Variants in TRPC7 observed in about 807,000 individuals in gnomAD.
The protein encoded by TRPC7 is transient receptor potential cation channel subfamily C member 7, also known as short transient receptor potential channel 7.
Under a neutral mutation model 90.1 loss-of-function variants are expected in TRPC7, and 42 were observed. The observed-to-expected ratio is 0.47, with a 90% CI of 0.36 to 0.60. The LOEUF is 0.60. Ranked by LOEUF, TRPC7 falls within the 20% of genes least tolerant of loss-of-function variation. The pLI is 0.00. For missense variants in TRPC7, 955 were observed against 1,112.3 expected (o/e 0.86, Z 2.01); for synonymous variants, 451 against 436.3 (o/e 1.03, Z -0.42).
intron 2 of TRPC7, among the ~76,000 whole-genome samples, chr5:136,326,567 GAGA>G (rs1198512912): frequency 6.6e-6 from 1 of 152,248 alleles, no homozygotes; most frequent in African/African-American, 2.4e-5. Flanking sequence ...TAGCTTTTAG[GAGA>G]AGATGAGAAG....
chr5:136,339,852 C>CAAA (rs147762581), intron 2 of TRPC7, among the ~76,000 whole-genome samples: 50,399 of 151,772 alleles, frequency 0.33, 9,301 homozygotes, highest in Admixed American at 0.46. Flanking sequence ...ACAACAACAA[C>CAAA]AACAACAACA....
Position 136,227,442 on chromosome 5 carries a change from A to T in TRPC7, c.2041-1187T>A, listed in dbSNP as rs1195886502. On this transcript the variant is annotated intron_variant, in intron 8 of 11. Transcript: ENST00000513104. ...TGGGTTCCTCTTTCCACAGGCAGTG[A>T]CTACACTCTGAGGGGCTGTGAACCC... Among the ~76,000 whole-genome samples the T allele has an allele frequency of 3.3e-5, 5 of 152,158 alleles. No homozygotes were observed. The East Asian group carries it at 9.6e-4, about 29-fold the overall frequency.
chr5:136,362,490 T>C (rs975033552), intron 1 of TRPC7, among the ~76,000 whole-genome samples: 6 of 152,150 alleles, frequency 3.9e-5, no homozygotes, highest in Admixed American at 6.5e-5. Flanking sequence ...GCAAAAATGA[T>C]TAGAAATGTA....
At chr5:136,277,589 A>T (rs1757407129) in intron 3 of TRPC7, among the ~76,000 whole-genome samples, 1 of 152,220 alleles carries the variant, frequency 6.6e-6, no homozygotes, top group Admixed American at 6.5e-5. Flanking sequence ...CACCAACAGG[A>T]CACAAAGAAA....
At chr5:136,321,074 C>T (rs1759182535) in intron 2 of TRPC7, among the ~76,000 whole-genome samples, 2 of 152,108 alleles carry the variant, frequency 1.3e-5, no homozygotes, top group South Asian at 4.1e-4. Flanking sequence ...CAGTAAGTTA[C>T]TTGTTTAATT....
chr5:136,293,169 C>T (rs1302583276), intron 3 of TRPC7, among the ~76,000 whole-genome samples: 1 of 152,046 alleles, frequency 6.6e-6, no homozygotes, highest in African/African-American at 2.4e-5. Context: ...TATGACAAAC[C>T]CACAGCCAAT....
At chr5:136,301,943 C>A (rs1425919633) in intron 3 of TRPC7, among the ~76,000 whole-genome samples, 1 of 152,238 alleles carries the variant, frequency 6.6e-6, no homozygotes, top group Non-Finnish European at 1.5e-5. Flanking sequence ...GGTCCTCACA[C>A]CGACCAGCCC....
rs1470947667 is a variant in TRPC7, at chr5:136,236,915, G to A, written c.1845-5366C>T. On this transcript the variant is annotated intron_variant, in intron 7 of 11. Transcript: ENST00000513104. Reference sequence around the variant, plus strand: ...TATAGCAGGCTAAAATTAAGCAGGAGGATCAGCCTTTAATTGAAAAAGGCT... The same window carrying A: ...TATAGCAGGCTAAAATTAAGCAGGAAGATCAGCCTTTAATTGAAAAAGGCT... 3.3e-5 allele frequency among the ~76,000 whole-genome samples: 5 copies of A among 152,188 alleles called. No individual in the cohort carries two copies. In the East Asian group the frequency reaches 9.6e-4, roughly 29 times the overall value.
chr5:136,260,067 T>C (rs1756806566), intron 5 of TRPC7, among the ~76,000 whole-genome samples: 1 of 152,174 alleles, frequency 6.6e-6, no homozygotes, highest in South Asian at 2.1e-4. Flanking sequence ...CCTATAGAAC[T>C]GTAAATCAAA....
At chr5:136,258,355 C>T (rs934299185) in intron 5 of TRPC7, among the ~76,000 whole-genome samples, 5 of 152,162 alleles carry the variant, frequency 3.3e-5, no homozygotes, top group African/African-American at 7.2e-5. Flanking sequence ...GGCCCCCTGC[C>T]GCCACAGTGC....
intron 2 of TRPC7, among the ~76,000 whole-genome samples, chr5:136,340,029 A>C (rs971454568): frequency 2.6e-5 from 4 of 152,214 alleles, no homozygotes; most frequent in African/African-American, 9.6e-5. Context: ...TCCCATGTTA[A>C]TTGCAGTATT....
intron 3 of TRPC7, among the ~76,000 whole-genome samples, chr5:136,292,236 G>A (rs985779577): frequency 1.1e-4 from 16 of 152,250 alleles, no homozygotes; most frequent in African/African-American, 3.4e-4. Flanking sequence ...AAAAGAACTA[G>A]AGAAGCAAGA....
Position 136,343,373 on chromosome 5 carries a change from C to A in TRPC7, c.780+13235G>T, listed in dbSNP as rs532615503. On this transcript the variant is annotated intron_variant, in intron 2 of 11. Coordinates refer to ENST00000513104, the MANE Select transcript of TRPC7 (RefSeq NM_020389.3). Reference sequence around the variant, plus strand: ...GTAGTAAGAAGGTCACTCTGACCTTCCCCAGCCTTTGTGAGAGATGTCCTT... The same window carrying A: ...GTAGTAAGAAGGTCACTCTGACCTTACCCAGCCTTTGTGAGAGATGTCCTT... 3.3e-5 allele frequency among the ~76,000 whole-genome samples: 5 copies of A among 152,280 alleles called. No individual in the cohort carries two copies. In the East Asian group the frequency reaches 9.7e-4, roughly 29 times the overall value.
At chr5:136,271,188 A>G (rs1000933009) in intron 4 of TRPC7, among the ~76,000 whole-genome samples, 3 of 152,338 alleles carry the variant, frequency 2.0e-5, no homozygotes, top group Admixed American at 6.5e-5. Flanking sequence ...GGGTTATGGC[A>G]GTAAGGACTG....
At chr5:136,233,184 C>T (rs1456493443) in intron 7 of TRPC7, among the ~76,000 whole-genome samples, 1 of 152,138 alleles carries the variant, frequency 6.6e-6, no homozygotes, top group East Asian at 1.9e-4. Flanking sequence ...AAGTGGGATT[C>T]TATTGTCAGT....
intron 2 of TRPC7, among the ~76,000 whole-genome samples, chr5:136,317,540 G>A (rs1759059795): frequency 6.6e-6 from 1 of 152,154 alleles, no homozygotes; most frequent in Admixed American, 6.5e-5. Context: ...ACTGGGCTCA[G>A]CAACATGGAC....
intron 10 of TRPC7, among the ~76,000 whole-genome samples, chr5:136,218,493 T>C (rs1755347920): frequency 1.3e-5 from 2 of 152,202 alleles, no homozygotes; most frequent in Admixed American, 1.3e-4. Context: ...AGTTTCTGGA[T>C]CCAACAATTA....
intron 3 of TRPC7, among the ~76,000 whole-genome samples, chr5:136,287,143 C>T (rs910224493): frequency 6.6e-6 from 1 of 152,134 alleles, no homozygotes; most frequent in Non-Finnish European, 1.5e-5. Flanking sequence ...GAATAACCTT[C>T]CTGGGAGATG....
chr5:136,300,337 T>C (rs924913860), intron 3 of TRPC7, among the ~76,000 whole-genome samples: 3 of 152,172 alleles, frequency 2.0e-5, no homozygotes, highest in Non-Finnish European at 2.9e-5. Flanking sequence ...GGGCAGCAAC[T>C]CAGGCTCATG....
Sources: allele counts gnomAD v4.1 joint callset (sites outside exome capture counted in the v4.1 genomes callset), GRCh38; gene constraint gnomAD v4.1.1; transcripts MANE v1.5; gene names NCBI Gene and HGNC (gene_info 2026-07-23, HGNC 2026-07-21).